The following CELSR3 variants were observed in gnomAD, a reference collection of about 807,000 sequenced individuals.
CELSR3 encodes the protein EGF-like protein 1.
CELSR3 carries 73 observed loss-of-function variants against 270.0 expected under a neutral mutation model. The ratio of observed to expected loss-of-function variants is 0.27; its 90% CI spans 0.22 to 0.33. The LOEUF is 0.33. Among genes scored for constraint, CELSR3 ranks in the 10% least tolerant of loss-of-function variants. The pLI is 1.00. For missense variants in CELSR3, 3,614 were observed against 4,533.8 expected (o/e 0.80, Z 5.83); for synonymous variants, 1,780 against 1,905.4 (o/e 0.93, Z 1.71).
Position 48,652,918 on chromosome 3 carries a change from A to G in CELSR3, c.5634+84T>C. The G allele has an allele frequency of 8.9e-7, 1 of 1,126,736 alleles. No homozygotes were observed. Among genetic ancestry groups the G allele is most frequent in the Non-Finnish European group, 1.3e-6 (1 of 757,830 alleles). The allele number at this position is 1,126,736 out of a possible 1,614,324, so 69.8% of individuals were successfully genotyped here. On this transcript the variant is annotated intron_variant, in intron 10 of 34. Transcript: ENST00000164024. The surrounding 1 kb of genome is among the most constrained non-coding windows in gnomAD (Gnocchi z 4.3). ...ACTCAGTGCAGTGGAGGGAACTGAG[A>G]GGAGCTGGACTAGAGGTGGGGTCAA...
rs1183428873 is a variant in CELSR3, at chr3:48,641,793, G to A, written c.8824+58C>T. On this transcript the variant is annotated intron_variant, in intron 32 of 34. Transcript: ENST00000164024. The surrounding 1 kb of genome is among the most constrained non-coding windows in gnomAD (Gnocchi z 4.8). Reference sequence around the variant, plus strand: ...CAACCGCAGGAAAGATGGGGAGCTGGAGGGATAACAAATGGGGCATCCCTT... The same window carrying A: ...CAACCGCAGGAAAGATGGGGAGCTGAAGGGATAACAAATGGGGCATCCCTT... 1.5e-5 allele frequency: 21 copies of A among 1,398,210 alleles called. No homozygotes were observed. The highest frequency in any genetic ancestry group is 2.0e-5 in the Non-Finnish European group (21 of 1,061,002). 86.6% of individuals were successfully genotyped at this position (1,398,210 alleles called of 1,614,324 possible).
chr3:48,642,918 C>A lies in CELSR3; in HGVS notation c.8407-34G>T, dbSNP rs770661761. On this transcript the variant is annotated intron_variant, in intron 29 of 34. Transcript: ENST00000164024. This position sits in a 1 kb window ranked among gnomAD's most constrained non-coding sequence, Gnocchi z 6.1. Reference sequence around the variant, plus strand: ...GGTAGGGACAGAGTGTGAGCTAACCCTGAAGCAGCCTAAAACTCTGGCTTC... The same window carrying A: ...GGTAGGGACAGAGTGTGAGCTAACCATGAAGCAGCCTAAAACTCTGGCTTC... 6.8e-6 allele frequency: 11 copies of A among 1,611,340 alleles called. No individual in the cohort carries two copies. The South Asian group carries it at 1.2e-4, about 18-fold the overall frequency.
Position 48,652,062 on chromosome 3 carries a change from G to A in CELSR3, c.5752-14C>T, listed in dbSNP as rs917440390. ...GAGCCACACCCCCTGTGGACACACA[G>A]CCAGCAAGGGGTGAGACCATGTTAA... On this transcript the variant is annotated splice_polypyrimidine_tract_variant and intron_variant, in intron 11 of 34. Transcript: ENST00000164024. This position sits in a 1 kb window ranked among gnomAD's most constrained non-coding sequence, Gnocchi z 4.3. The A allele has an allele frequency of 2.6e-6, 4 of 1,523,286 alleles. No individual in the cohort carries two copies. In the African/African-American group the frequency reaches 4.2e-5, roughly 16 times the overall value. The allele number at this position is 1,523,286 out of a possible 1,614,324, so 94.4% of individuals were successfully genotyped here. A position where few individuals can be genotyped will look rare whatever the true frequency, so the allele number is the denominator to read the frequency against.
Position 48,658,931 on chromosome 3 carries a change from T to C in CELSR3, c.3704A>G (p.Asp1235Gly). 1.2e-6 allele frequency: 2 copies of C among 1,614,158 alleles called. No individual in the cohort carries two copies. The highest frequency in any genetic ancestry group is 1.7e-6 in the Non-Finnish European group (2 of 1,180,018). ...SGELRLSRKL[D>G]NNRPLVASML... ...GGAGGCCACCAGTGGGCGGTTATTG[T>C]CTAGCTTTCGGCTGAGTCGCAGCTC... The change falls in exon 1 of 35, where the codon GAC (aspartate) becomes GGC (glycine). Residue 1235 changes from aspartate (D) to glycine (G), a missense_variant. Coordinates refer to ENST00000164024, the MANE Select transcript of CELSR3 (RefSeq NM_001407.3). This position sits in a 1 kb window ranked among gnomAD's most constrained non-coding sequence, Gnocchi z 4.7.
In CELSR3 at chr3:48,659,832, C is replaced by A; in HGVS notation, c.2803G>T (p.Asp935Tyr). ...TCTGCCTTCTGTGGGATGCCATTGTCCCGAGCTGTGATAGCCAGGGTGTAG... is the reference window on the plus strand; with the variant it reads ...TCTGCCTTCTGTGGGATGCCATTGTACCGAGCTGTGATAGCCAGGGTGTAG... ...VTYTLAITAR[D>Y]NGIPQKADTT... The change falls in exon 1 of 35, where the codon GAC (aspartate) becomes TAC (tyrosine). Residue 935 changes from aspartate (D) to tyrosine (Y), a missense_variant. Transcript: ENST00000164024. The surrounding 1 kb of genome is among the most constrained non-coding windows in gnomAD (Gnocchi z 8.1). 6.2e-7 allele frequency: 1 copy of A among 1,614,216 alleles called. No individual in the cohort carries two copies. The highest frequency in any genetic ancestry group is 8.5e-7 in the Non-Finnish European group (1 of 1,180,042).
Position 48,657,426 on chromosome 3 carries a change from A to C in CELSR3, c.3749-78T>G. 7.1e-7 allele frequency: 1 copy of C among 1,408,878 alleles called. No individual in the cohort carries two copies. Among genetic ancestry groups the C allele is most frequent in the Non-Finnish European group, 9.4e-7 (1 of 1,066,636 alleles). 87.3% of individuals were successfully genotyped at this position (1,408,878 alleles called of 1,614,324 possible). On this transcript the variant is annotated intron_variant, in intron 1 of 34. Coordinates refer to ENST00000164024, the MANE Select transcript of CELSR3 (RefSeq NM_001407.3). The surrounding 1 kb of genome is among the most constrained non-coding windows in gnomAD (Gnocchi z 5.4). Reference sequence around the variant, plus strand: ...CCTGGGACACAAGAGGGCTGGGGCCAGCGATAGCCTAGGCCCCCAGAACCT... The same window carrying C: ...CCTGGGACACAAGAGGGCTGGGGCCCGCGATAGCCTAGGCCCCCAGAACCT...
In CELSR3 at chr3:48,641,594, G is replaced by A; in HGVS notation, c.8825-70C>T. The A allele has an allele frequency of 1.7e-6, 2 of 1,203,722 alleles. No homozygotes were observed. Among genetic ancestry groups the A allele is most frequent in the South Asian group, 2.6e-5 (2 of 76,498 alleles). The allele number at this position is 1,203,722 out of a possible 1,614,324, so 74.6% of individuals were successfully genotyped here. On this transcript the variant is annotated intron_variant, in intron 32 of 34. Transcript: ENST00000164024. The surrounding 1 kb of genome is among the most constrained non-coding windows in gnomAD (Gnocchi z 4.8). ...GTGACTCATGACCCCTGACCCTAAT[G>A]ACCCTTGAAACCCTGGCTGTTCTCA...
In CELSR3 at chr3:48,661,850, G is replaced by T. The variant is rs764237843; in HGVS notation, c.785C>A (p.Pro262His). Residue 262 changes from proline (P) to histidine (H), a missense_variant, in exon 1 of 35, where the codon CCC (proline) becomes CAC (histidine). Pro to His is a moderately conservative substitution (Grantham distance 77). This residue lies in a region of CELSR3 where 470 missense variants were observed against 469.7 expected (regional missense o/e 1.00). Coordinates refer to ENST00000164024, the MANE Select transcript of CELSR3 (RefSeq NM_001407.3). ...ARTAPASGSA[P>H]RESRTAPEPA... The stretch of plus-strand genomic sequence containing the variant: ...CTCGGGAGCTGTCCGAGACTCGCGG[G>T]GTGCTGAACCTGATGCAGGAGCTGT... The T allele has an allele frequency of 4.3e-6, 7 of 1,610,416 alleles. No homozygotes were observed. The highest frequency in any genetic ancestry group is 5.9e-6 in the Non-Finnish European group (7 of 1,179,630).
rs765000723 is a variant in CELSR3 at position 48,658,923 on chromosome 3, G to A, written c.3712C>T (p.Arg1238Cys). ...LRLSRKLDNNRPLVASMLVTV... is the reference protein window; with the variant it reads ...LRLSRKLDNNCPLVASMLVTV... ...ACCAACATGGAGGCCACCAGTGGGC[G>A]GTTATTGTCTAGCTTTCGGCTGAGT... Residue 1238 changes from arginine (R) to cysteine (C), a missense_variant, in exon 1 of 35, where the codon CGC becomes TGC. Physicochemically the swap from Arg to Cys is radical, Grantham distance 180. Around this residue, in one of 7 missense-constraint regions of CELSR3, gnomAD observed 1,331 missense variants for 1,933.7 expected, o/e 0.69. Coordinates refer to ENST00000164024, the MANE Select transcript of CELSR3 (RefSeq NM_001407.3). The surrounding 1 kb of genome is among the most constrained non-coding windows in gnomAD (Gnocchi z 4.7). The A allele has an allele frequency of 7.4e-6, 12 of 1,613,982 alleles. No homozygotes were observed. Among genetic ancestry groups the A allele is most frequent in the Non-Finnish European group, 1.0e-5 (12 of 1,179,984 alleles).
chr3:48,641,377 G>A lies in CELSR3; in HGVS notation c.8972C>T (p.Ala2991Val), dbSNP rs1334690658. Reference sequence around the variant, plus strand: ...AGAAGTCTCATCCCCACTGGTCAGGGCCGGGTCTGGCTGGTTGTTGTTAGC... The same window carrying A: ...AGAAGTCTCATCCCCACTGGTCAGGACCGGGTCTGGCTGGTTGTTGTTAGC... ...DAANNNQPDPALTSGDETSLG... is the reference protein window; with the variant it reads ...DAANNNQPDPVLTSGDETSLG... The change falls in exon 33 of 35, where the codon GCC becomes GTC. Residue 2991 changes from alanine (A) to valine (V), a missense_variant. Physicochemically the swap from Ala to Val is moderately conservative, Grantham distance 64. This residue lies in a region of CELSR3 where 1,240 missense variants were observed against 1,351.7 expected (regional missense o/e 0.92). Coordinates refer to ENST00000164024, the MANE Select transcript of CELSR3 (RefSeq NM_001407.3). The surrounding 1 kb of genome is among the most constrained non-coding windows in gnomAD (Gnocchi z 4.8). The A allele has an allele frequency of 1.2e-6, 2 of 1,612,548 alleles. No individual in the cohort carries two copies. The highest frequency in any genetic ancestry group is 2.2e-5 in the East Asian group (1 of 44,874).
Position 48,657,971 on chromosome 3 carries a change from T to TAC in CELSR3, c.3749-625_3749-624dup, listed in dbSNP as rs566629528. Among the ~76,000 whole-genome samples the TAC allele has an allele frequency of 6.1e-3, 919 of 149,898 alleles. 7 individuals are homozygous for TAC. Among genetic ancestry groups the TAC allele is most frequent in the East Asian group, 0.027 (140 of 5,122 alleles). On this transcript the variant is annotated intron_variant, in intron 1 of 34. Coordinates refer to ENST00000164024, the MANE Select transcript of CELSR3 (RefSeq NM_001407.3). This position sits in a 1 kb window ranked among gnomAD's most constrained non-coding sequence, Gnocchi z 5.4. ...TCCAGGGGGGTCTTGAACCCTGACA[T>TAC]ACACACACACACACACACACCAGCA...
rs942959199 is a variant in CELSR3, at chr3:48,660,718, G to C, written c.1917C>G (p.Ile639Met). The change falls in exon 1 of 35, where the codon ATC becomes ATG. Residue 639 changes from isoleucine (I) to methionine (M), a missense_variant. Coordinates refer to ENST00000164024, the MANE Select transcript of CELSR3 (RefSeq NM_001407.3). This position sits in a 1 kb window ranked among gnomAD's most constrained non-coding sequence, Gnocchi z 5.5. ...PLSNNTGLAS[I>M]QVVDINDHIP... ...TGTGGTCATTGATGTCCACCACCTG[G>C]ATGCTGGCCAGGCCCGTGTTGTTGG... 6.2e-7 allele frequency: 1 copy of C among 1,614,112 alleles called. No individual in the cohort carries two copies. Among genetic ancestry groups the C allele is most frequent in the Non-Finnish European group, 8.5e-7 (1 of 1,180,054 alleles).
Position 48,640,895 on chromosome 3 carries a change from C to A in CELSR3, c.9026-336G>T, listed in dbSNP as rs1346658446. 1 of 434,578 alleles carries A rather than the reference C, an allele frequency of 2.3e-6. No homozygotes were observed. The highest frequency in any genetic ancestry group is 4.1e-6 in the Non-Finnish European group (1 of 243,688). The allele number at this position is 434,578 out of a possible 1,614,324, so 26.9% of individuals were successfully genotyped here. On this transcript the variant is annotated intron_variant, in intron 33 of 34. Coordinates refer to ENST00000164024, the MANE Select transcript of CELSR3 (RefSeq NM_001407.3). This position sits in a 1 kb window ranked among gnomAD's most constrained non-coding sequence, Gnocchi z 7.5. Reference sequence around the variant, plus strand: ...CAGGCCTGGCTGAAATGCAGGAACCCCCCGGGTTGGACAGGAGCAGTCCCC... The same window carrying A: ...CAGGCCTGGCTGAAATGCAGGAACCACCCGGGTTGGACAGGAGCAGTCCCC...
Position 48,640,673 on chromosome 3 carries a change from A to G in CELSR3, c.9026-114T>C. The G allele has an allele frequency of 8.3e-7, 1 of 1,199,380 alleles. No individual in the cohort carries two copies. The highest frequency in any genetic ancestry group is 1.1e-6 in the Non-Finnish European group (1 of 880,900). The allele number at this position is 1,199,380 out of a possible 1,614,324, so 74.3% of individuals were successfully genotyped here. A position where few individuals can be genotyped will look rare whatever the true frequency, so the allele number is the denominator to read the frequency against. On this transcript the variant is annotated intron_variant, in intron 33 of 34. Transcript: ENST00000164024. The surrounding 1 kb of genome is among the most constrained non-coding windows in gnomAD (Gnocchi z 7.5). ...GGGATCCTTCCAACACAGGGATGGGAGCAGGAACCCCTTGGGGAGCAGCAG... is the reference window on the plus strand; with the variant it reads ...GGGATCCTTCCAACACAGGGATGGGGGCAGGAACCCCTTGGGGAGCAGCAG...
chr3:48,660,732 C>A lies in CELSR3; in HGVS notation c.1903G>T (p.Gly635Cys). The A allele has an allele frequency of 6.2e-7, 1 of 1,614,044 alleles. No homozygotes were observed. The highest frequency in any genetic ancestry group is 8.5e-7 in the Non-Finnish European group (1 of 1,180,028). ...TCCACCACCTGGATGCTGGCCAGGCCCGTGTTGTTGGACAGCGGTGGCCGG... is the reference window on the plus strand; with the variant it reads ...TCCACCACCTGGATGCTGGCCAGGCACGTGTTGTTGGACAGCGGTGGCCGG... ...AGRPPLSNNT[G>C]LASIQVVDIN... The change falls in exon 1 of 35, where the codon GGC (glycine) becomes TGC (cysteine). Residue 635 changes from glycine (G) to cysteine (C), a missense_variant. By Grantham distance (159) the Gly-to-Cys change is radical. Coordinates refer to ENST00000164024, the MANE Select transcript of CELSR3 (RefSeq NM_001407.3). The surrounding 1 kb of genome is among the most constrained non-coding windows in gnomAD (Gnocchi z 5.5).
rs1410306573 is a variant in CELSR3, at chr3:48,648,405, C to T, written c.6834G>A (p.Ala2278=). 24 of 1,606,816 alleles carry T rather than the reference C, an allele frequency of 1.5e-5. No individual in the cohort carries two copies. The highest frequency in any genetic ancestry group is 1.8e-5 in the Non-Finnish European group (21 of 1,177,564). ...LLAPETGDLW[A]ALGQRAPGGS... is the part of the protein sequence containing the mutation. ...CCCCAGGGGCCCGCTGCCCCAGCGC[C>T]GCCCACAAGTCCCCTGTCTCTGGGG... The change falls in exon 19 of 35, where the codon GCG becomes GCA. Residue 2278 remains alanine, a synonymous_variant. Coordinates refer to ENST00000164024, the MANE Select transcript of CELSR3 (RefSeq NM_001407.3).
rs147483684 is a variant in CELSR3 at position 48,661,735 on chromosome 3, G to C, written c.900C>G (p.Ala300=). The C allele has an allele frequency of 2.5e-6, 4 of 1,582,296 alleles. No individual in the cohort carries two copies. In the South Asian group the frequency reaches 3.5e-5, roughly 14 times the overall value. ...RPGPRPPGLP[A]RPEARKVTSA... ...AGGTTACTTTCCTGGCTTCAGGACG[G>C]GCCGGGAGTCCCGGGGGACGCGGCC... The change falls in exon 1 of 35, where the codon GCC becomes GCG. Residue 300 remains alanine (A), a synonymous_variant. Transcript: ENST00000164024.
chr3:48,657,305 G>T lies in CELSR3; in HGVS notation c.3792C>A (p.Val1264=). Reference sequence around the variant, plus strand: ...TGGCCAGCAACTCCTCCGTGATGATGACCACGCGCAGCACACACTGCGCCG... The same window carrying T: ...TGGCCAGCAACTCCTCCGTGATGATTACCACGCGCAGCACACACTGCGCCG... ...SVTAQCVLRV[V]IITEELLANS... is the part of the protein sequence containing the mutation. The change falls in exon 2 of 35, where the codon GTC becomes GTA. Residue 1264 remains valine (V), a synonymous_variant. Coordinates refer to ENST00000164024, the MANE Select transcript of CELSR3 (RefSeq NM_001407.3). This position sits in a 1 kb window ranked among gnomAD's most constrained non-coding sequence, Gnocchi z 5.4. 2 of 1,609,878 alleles carry T rather than the reference G, an allele frequency of 1.2e-6. No individual in the cohort carries two copies. The highest frequency in any genetic ancestry group is 2.2e-5 in the South Asian group (2 of 90,452).
chr3:48,655,438 G>A lies in CELSR3; in HGVS notation c.4742-44C>T, dbSNP rs1354122977. On this transcript the variant is annotated intron_variant, in intron 4 of 34. Transcript: ENST00000164024. The surrounding 1 kb of genome is among the most constrained non-coding windows in gnomAD (Gnocchi z 5.8). Reference sequence around the variant, plus strand: ...TGGAATCATCAGGAGCAGCGGAGTCGCCCCATCCCACCCGTCATATAAGCA... The same window carrying A: ...TGGAATCATCAGGAGCAGCGGAGTCACCCCATCCCACCCGTCATATAAGCA... 3.8e-6 allele frequency: 6 copies of A among 1,592,206 alleles called. No individual in the cohort carries two copies. The highest frequency in any genetic ancestry group is 2.2e-5 in the East Asian group (1 of 44,736).
Sources: gnomAD v4.1 joint callset for allele counts (sites outside exome capture counted in the v4.1 genomes callset) on GRCh38, gnomAD v4.1.1 for gene constraint, gnomAD v4.1.1 regional missense constraint, Gnocchi (gnomAD v3.1) non-coding constraint, MANE v1.5 for transcripts, NCBI Gene and HGNC (gene_info 2026-07-23, HGNC 2026-07-21) for gene names.